RERE: variants seen among roughly 807,000 people sequenced by gnomAD.
RERE encodes the protein arginine-glutamic acid dipeptide repeats.
In RERE, 40 loss-of-function variants were observed where a neutral mutation model predicts 146.1. That is an observed-to-expected ratio of 0.27 (90% confidence interval 0.21 to 0.36). RERE has a LOEUF of 0.36. Ranked by LOEUF, RERE falls within the 10% of genes least tolerant of loss-of-function variation. The probability of loss-of-function intolerance (pLI) is 1.00; values close to 1 mark genes in which losing one functional copy is unlikely to be tolerated. For missense variants in RERE, 1,933 were observed against 2,138.7 expected (o/e 0.90, Z 1.90); for synonymous variants, 1,003 against 866.0 (o/e 1.16, Z -2.78).
chr1:8,443,875 TGGCAGCCTCTGCCAA>T (rs57728844), intron 11 of RERE, among the ~76,000 whole-genome samples: 33,636 of 152,074 alleles, frequency 0.22, 5,341 homozygotes, highest in East Asian at 0.75. Context: ...GATGGAGGCT[TGGCAGCCTCTGCCAA>T]GATTTCAGAG....
intron 1 of RERE, among the ~76,000 whole-genome samples, chr1:8,808,147 CAAAAAAAAAAAAAA>C (rs778069782): frequency 3.8e-5 from 2 of 53,158 alleles, no homozygotes; most frequent in South Asian, 1.4e-3. Flanking sequence ...GACCTTGTCT[CAAAAAAAAAAAAAA>C]AAAAAAAAAC....
At chr1:8,508,599 T>C (rs370582034) in intron 8 of RERE, 28 bp downstream of exon 8, 2 of 1,565,912 alleles carry the variant, frequency 1.3e-6, no homozygotes, top group Admixed American at 1.7e-5. Flanking sequence ...CAAAAACCTA[T>C]TAAGGAAGCT....
At chr1:8,418,198 T>C (rs1002310001) in intron 12 of RERE, among the ~76,000 whole-genome samples, 1 of 152,208 alleles carries the variant, frequency 6.6e-6, no homozygotes, top group African/African-American at 2.4e-5. Context: ...AAAATTGAAC[T>C]ATACACAAAA....
intron 1 of RERE, chr1:8,786,362 T>C: frequency 1.2e-6 from 1 of 844,554 alleles, no homozygotes; most frequent in Non-Finnish European, 2.0e-6. Flanking sequence ...ACAGTATAGA[T>C]GTCATGAATC....
At chr1:8,501,143 C>G (rs1645140483) in intron 8 of RERE, among the ~76,000 whole-genome samples, 1 of 147,200 alleles carries the variant, frequency 6.8e-6, no homozygotes, top group African/African-American at 2.5e-5. Flanking sequence ...GCCCGGCCAG[C>G]TGCCCCGTCC....
chr1:8,481,857 A>C (rs1259270218), intron 10 of RERE, among the ~76,000 whole-genome samples: 1 of 152,218 alleles, frequency 6.6e-6, no homozygotes, highest in African/African-American at 2.4e-5. Context: ...ACATTCTTAT[A>C]AGCTGAGACT....
chr1:8,560,047 A>G (rs1457374659), intron 4 of RERE, among the ~76,000 whole-genome samples: 7 of 152,232 alleles, frequency 4.6e-5, no homozygotes, highest in Admixed American at 4.6e-4. Context: ...CCTCGGCAGG[A>G]TAATAAAAAG....
At chr1:8,451,234 T>C (rs571455773) in intron 11 of RERE, among the ~76,000 whole-genome samples, 1 of 152,222 alleles carries the variant, frequency 6.6e-6, no homozygotes, top group East Asian at 1.9e-4. Context: ...AGTTGGAGAC[T>C]AGCCTGGCCA....
intron 6 of RERE, among the ~76,000 whole-genome samples, chr1:8,550,708 G>A (rs1444081279): frequency 3.3e-5 from 5 of 152,152 alleles, no homozygotes; most frequent in East Asian, 3.9e-4. Flanking sequence ...CACCACACTC[G>A]GCTAATTTTT....
chr1:8,578,153 T>C (rs1391943842), intron 4 of RERE, among the ~76,000 whole-genome samples: 1 of 152,126 alleles, frequency 6.6e-6, no homozygotes, highest in Non-Finnish European at 1.5e-5. Context: ...CTGAAACCTG[T>C]CCTGAAAGAA....
In RERE at chr1:8,640,274, CTT is replaced by C. The variant is rs199981749; in HGVS notation, c.325+15697_325+15698del. On this transcript the variant is annotated intron_variant, in intron 2 of 22. Transcript: ENST00000400908. ...ACTATAATCAAAGCTCCCCTCCCAA[CTT>C]TTTTTTTTAAACTATATGAATCTCT... 5.3e-5 allele frequency among the ~76,000 whole-genome samples: 8 copies of C among 149,782 alleles called. 1 individual carries two copies. Among genetic ancestry groups the C allele is most frequent in the African/African-American group, 2.0e-4 (8 of 40,904 alleles).
At chr1:8,733,972 G>A (rs1640143663) in intron 1 of RERE, among the ~76,000 whole-genome samples, 2 of 152,158 alleles carry the variant, frequency 1.3e-5, no homozygotes, top group Admixed American at 6.5e-5. Context: ...GCATGGTGGT[G>A]GGTGCCTGTA....
intron 1 of RERE, among the ~76,000 whole-genome samples, chr1:8,758,387 C>CTTT (rs34187776): frequency 7.6e-6 from 1 of 132,060 alleles, no homozygotes; most frequent in African/African-American, 2.8e-5. Context: ...GGCCCTCAAT[C>CTTT]TTTTTTTTTT....
intron 1 of RERE, among the ~76,000 whole-genome samples, chr1:8,779,343 T>A (rs958344142): frequency 2.0e-5 from 3 of 150,304 alleles, no homozygotes; most frequent in African/African-American, 7.3e-5. Flanking sequence ...CTGGCCAACA[T>A]GGTGAAACCC....
At chr1:8,414,571 C>T (rs755828148) in intron 12 of RERE, among the ~76,000 whole-genome samples, 14 of 151,522 alleles carry the variant, frequency 9.2e-5, no homozygotes, top group Non-Finnish European at 1.6e-4. Context: ...AAATAAATAA[C>T]ATTTCAATAG....
intron 11 of RERE, among the ~76,000 whole-genome samples, chr1:8,454,411 G>A (rs899042486): frequency 9.4e-4 from 143 of 152,150 alleles, no homozygotes; most frequent in Non-Finnish European, 2.4e-4. Context: ...AGACCAAGAT[G>A]GGCTTAATCC....
At chr1:8,684,121 T>A (rs1346186389) in intron 1 of RERE, among the ~76,000 whole-genome samples, 1 of 152,188 alleles carries the variant, frequency 6.6e-6, no homozygotes, top group East Asian at 1.9e-4. Flanking sequence ...AATGATTGCA[T>A]TAAAACACAC....
intron 1 of RERE, among the ~76,000 whole-genome samples, chr1:8,793,174 A>AAAAAAAAAG (rs756022312): frequency 8.7e-5 from 11 of 127,090 alleles, no homozygotes; most frequent in Non-Finnish European, 1.1e-4. Flanking sequence ...AAAAAAAAAA[A>AAAAAAAAAG]AAAGAAAGAA....
chr1:8,660,988 C>T (rs1638442952), intron 1 of RERE, among the ~76,000 whole-genome samples: 1 of 152,166 alleles, frequency 6.6e-6, no homozygotes, highest in Non-Finnish European at 1.5e-5. Flanking sequence ...AACCCCTGCC[C>T]TTATCTTGAG....
Sources: gnomAD v4.1 joint callset for allele counts (sites outside exome capture counted in the v4.1 genomes callset) on GRCh38, gnomAD v4.1.1 for gene constraint, MANE v1.5 for transcripts, NCBI Gene and HGNC (gene_info 2026-07-23, HGNC 2026-07-21) for gene names.